Variants in IPPK observed in about 807,000 individuals in gnomAD.
The protein encoded by IPPK is IPK1 homolog.
IPPK carries 22 observed loss-of-function variants against 64.6 expected under a neutral mutation model. The ratio of observed to expected loss-of-function variants is 0.34; its 90% CI spans 0.24 to 0.49. IPPK has a LOEUF of 0.49. IPPK is among the 20% of genes least tolerant of loss of function. The pLI is 0.99. For synonymous variants in IPPK, 262 were observed against 247.2 expected (o/e 1.06, Z -0.56); for missense variants, 532 against 630.7 (o/e 0.84, Z 1.68).
chr9:92,618,613 C>T (rs1387097481), intron 12 of IPPK: 1 of 455,248 alleles, frequency 2.2e-6, no homozygotes, highest in African/African-American at 2.0e-5. Context: ...TTCCTCATAA[C>T]TTAGCCCTGT....
At position 92,614,096 on chromosome 9, in the gene IPPK, A is replaced by G. The variant is rs1851356256; in HGVS notation, c.*1736T>C. On this transcript the variant is annotated 3_prime_UTR_variant, in exon 13 of 13. Coordinates refer to ENST00000287996, the MANE Select transcript of IPPK (RefSeq NM_022755.6). ...TCTCCCTCAAATACAGGCTGTTTTC[A>G]TCGTGTCTAGTCCAGCCCTGTCTGG... is the stretch of plus-strand genomic sequence containing the variant. 6.6e-6 allele frequency: 1 copy of G among 152,238 alleles called. No individual in the cohort carries two copies. The highest frequency in any genetic ancestry group is 2.4e-5 in the African/African-American group (1 of 41,426). The allele number at this position is 152,238 out of a possible 1,614,324, so 9.4% of individuals were successfully genotyped here.
rs1852699842 is a variant in IPPK at position 92,670,105 on chromosome 9, C to T, written c.-117G>A. 1 of 638,318 alleles carries T rather than the reference C, an allele frequency of 1.6e-6. No homozygotes were observed. The highest frequency in any genetic ancestry group is 2.5e-6 in the Non-Finnish European group (1 of 402,164). The allele number at this position is 638,318 out of a possible 1,614,324, so 39.5% of individuals were successfully genotyped here. On this transcript the variant is annotated 5_prime_UTR_variant, in exon 1 of 13. Coordinates refer to ENST00000287996, the MANE Select transcript of IPPK (RefSeq NM_022755.6). Reference sequence around the variant, plus strand: ...GGGGAGGAGCGCCTGTCAGCTGCCGCCCCCGCTCGACCCCGCCGCGGCGAC... The same window carrying T: ...GGGGAGGAGCGCCTGTCAGCTGCCGTCCCCGCTCGACCCCGCCGCGGCGAC...
intron 11 of IPPK, chr9:92,620,403 GTCTCC>G (rs1190075671): frequency 1.1e-4 from 17 of 152,352 alleles, no homozygotes; most frequent in African/African-American, 4.1e-4. Context: ...GCTCACAACT[GTCTCC>G]TCTACAGAGC....
chr9:92,616,722 TA>T (rs1851448805), intron 12 of IPPK: 1 of 152,382 alleles, frequency 6.6e-6, no homozygotes, highest in African/African-American at 2.4e-5. Flanking sequence ...TGTGATTAAT[TA>T]TTTGCCCTGA....
chr9:92,623,344 GA>G (rs1240811178), intron 11 of IPPK, among the ~76,000 whole-genome samples: 2 of 151,816 alleles, frequency 1.3e-5, no homozygotes, highest in Non-Finnish European at 1.5e-5. Context: ...TGAGGCAGGA[GA>G]ATGGTGTGAA....
intron 11 of IPPK, among the ~76,000 whole-genome samples, chr9:92,632,703 G>A (rs1237508383): frequency 1.3e-5 from 2 of 152,102 alleles, no homozygotes; most frequent in Admixed American, 6.5e-5. Context: ...ACTCTGCCCT[G>A]GGCCTCTGCT....
intron 11 of IPPK, chr9:92,620,484 T>C (rs1427181424): frequency 2.0e-5 from 3 of 152,242 alleles, no homozygotes; most frequent in African/African-American, 4.8e-5. Context: ...TTGTTTTAGA[T>C]GGCATAGCTC....
At position 92,648,157 on chromosome 9, in the gene IPPK, TAAAC is replaced by T; in HGVS notation, c.415-13_415-10del. The T allele has an allele frequency of 1.2e-6, 2 of 1,602,898 alleles. No individual in the cohort carries two copies. Among genetic ancestry groups the T allele is most frequent in the Non-Finnish European group, 1.7e-6 (2 of 1,171,692 alleles). ...ATAAACCCACATTTTGGCTGTAAAA[TAAAC>T]AAATAAGGAGGAAAAATATTTAGGA... On this transcript the variant is annotated splice_polypyrimidine_tract_variant and intron_variant, in intron 5 of 12. Coordinates refer to ENST00000287996, the MANE Select transcript of IPPK (RefSeq NM_022755.6).
intron 2 of IPPK, among the ~76,000 whole-genome samples, chr9:92,657,008 C>T (rs941060122): frequency 1.3e-5 from 2 of 152,072 alleles, no homozygotes; most frequent in Admixed American, 6.6e-5. Flanking sequence ...CAGAAATCAC[C>T]CCCATGTCCC....
chr9:92,666,423 G>A (rs1293200544), intron 1 of IPPK, among the ~76,000 whole-genome samples: 6 of 152,188 alleles, frequency 3.9e-5, no homozygotes, highest in Admixed American at 1.3e-4. Context: ...GCAACCTGTG[G>A]ACTTCACTAA....
intron 1 of IPPK, among the ~76,000 whole-genome samples, chr9:92,666,677 A>C (rs1309480397): frequency 6.6e-6 from 1 of 152,216 alleles, no homozygotes; most frequent in Non-Finnish European, 1.5e-5. Flanking sequence ...CAACCATCCC[A>C]AACAGAGGCA....
intron 11 of IPPK, among the ~76,000 whole-genome samples, chr9:92,624,082 A>G (rs1283630505): frequency 3.3e-5 from 5 of 152,240 alleles, no homozygotes; most frequent in African/African-American, 9.6e-5. Context: ...CACGCCTGTA[A>G]TCCCAACACT....
chr9:92,640,957 G>A (rs781725028), intron 7 of IPPK, among the ~76,000 whole-genome samples, 175 bp from the exon 8 acceptor site: 3 of 152,134 alleles, frequency 2.0e-5, no homozygotes, highest in Admixed American at 2.0e-4. Flanking sequence ...CCCCACCATG[G>A]GCTCCCTCCC....
intron 12 of IPPK, 120 bp from the exon 13 acceptor site, chr9:92,616,177 CAA>C (rs771271293): frequency 3.2e-5 from 22 of 687,548 alleles, no homozygotes; most frequent in Non-Finnish European, 4.7e-5. Context: ...TTGACTTCTG[CAA>C]AGTTAGATAA....
chr9:92,614,190 CTG>C lies in IPPK; in HGVS notation c.*1640_*1641del, dbSNP rs1158653677. On this transcript the variant is annotated 3_prime_UTR_variant, in exon 13 of 13. Coordinates refer to ENST00000287996, the MANE Select transcript of IPPK (RefSeq NM_022755.6). ...GGAGCCCAGCCCACCTTCCCACGGA[CTG>C]GGGTTCCCTCACATGTGCACTTGAA... is the stretch of plus-strand genomic sequence containing the variant. 1 of 152,524 alleles carries C rather than the reference CTG, an allele frequency of 6.6e-6. No homozygotes were observed. The highest frequency in any genetic ancestry group is 2.4e-5 in the African/African-American group (1 of 41,470). The allele number at this position is 152,524 out of a possible 1,614,324, so 9.4% of individuals were successfully genotyped here. A position where few individuals can be genotyped will look rare whatever the true frequency, so the allele number is the denominator to read the frequency against.
chr9:92,641,366 C>T (rs559009175), intron 7 of IPPK, among the ~76,000 whole-genome samples: 1 of 152,310 alleles, frequency 6.6e-6, no homozygotes, highest in East Asian at 1.9e-4. Context: ...CCAGTAGGGA[C>T]AGCCCACAAG....
At chr9:92,648,942 A>G (rs368101041) in intron 5 of IPPK, among the ~76,000 whole-genome samples, 2 of 152,230 alleles carry the variant, frequency 1.3e-5, no homozygotes, top group East Asian at 3.8e-4. Context: ...TGAGGGTCAC[A>G]CTGGCCTTTG....
Position 92,619,547 on chromosome 9 carries a change from C to T in IPPK, c.1189G>A (p.Ala397Thr), listed in dbSNP as rs745973840. 2.5e-6 allele frequency: 4 copies of T among 1,587,456 alleles called. No individual in the cohort carries two copies. The highest frequency in any genetic ancestry group is 2.3e-5 in the South Asian group (2 of 86,508). Residue 397 changes from alanine to threonine, a missense_variant, in exon 12 of 13, where the codon GCC (alanine) becomes ACC (threonine). Ala to Thr is a moderately conservative substitution (Grantham distance 58). Transcript: ENST00000287996. ...ATGGAGCAGTCCTTGGCAGTCATGGCGACGCGGTACTGCTGCACCTGCAGG... is the reference window on the plus strand; with the variant it reads ...ATGGAGCAGTCCTTGGCAGTCATGGTGACGCGGTACTGCTGCACCTGCAGG... The part of the protein sequence containing the change: ...ALTKVQQYRV[A>T]MTAKDCSIMI...
intron 11 of IPPK, among the ~76,000 whole-genome samples, chr9:92,624,837 A>G (rs1564028377): frequency 6.6e-6 from 1 of 152,182 alleles, no homozygotes; most frequent in African/African-American, 2.4e-5. Context: ...AAATGTGGCA[A>G]TAAAGTAAAT....
Sources: allele counts gnomAD v4.1 joint callset (sites outside exome capture counted in the v4.1 genomes callset), GRCh38; gene constraint gnomAD v4.1.1; transcripts MANE v1.5; gene names NCBI Gene and HGNC (gene_info 2026-07-23, HGNC 2026-07-21).